The following SKA3 variants were observed in gnomAD, a reference collection of about 807,000 sequenced individuals.
SKA3 encodes the protein spindle and kinetochore associated complex subunit 3, also known as spindle and kinetochore-associated protein 3.
A neutral mutation model predicts 44.2 loss-of-function variants in SKA3; 39 were observed. The observed-to-expected ratio is 0.88, with a 90% CI of 0.68 to 1.15. SKA3 has a LOEUF of 1.15. Ranked by LOEUF, SKA3 falls within the 50% of genes most tolerant of loss-of-function variation. The pLI is 0.00. For missense variants in SKA3, 511 were observed against 485.8 expected (o/e 1.05, Z -0.49); for synonymous variants, 192 against 172.0 (o/e 1.12, Z -0.91).
intron 4 of SKA3, among the ~76,000 whole-genome samples, chr13:21,165,836 G>A (rs1020803305): frequency 1.3e-5 from 2 of 152,080 alleles, no homozygotes; most frequent in African/African-American, 4.8e-5. Flanking sequence ...TCAGGTGGCT[G>A]AGGCTCGAGA....
rs781043546 is a variant in SKA3, at chr13:21,155,712, C to T, written c.1219G>A (p.Val407Ile). ...FLKHGQNIRD[V>I]SNKEN ...ACTCACCAGTTTTCTTTGTTGCTGACATCTCGGATGTTCTGTCCATGTTTA... is the reference window on the plus strand; with the variant it reads ...ACTCACCAGTTTTCTTTGTTGCTGATATCTCGGATGTTCTGTCCATGTTTA... The change falls in exon 8 of 9, where the codon GTC becomes ATC. Residue 407 changes from valine to isoleucine, a missense_variant. Physicochemically the swap from Val to Ile is conservative, Grantham distance 29. Coordinates refer to ENST00000314759, the MANE Select transcript of SKA3 (RefSeq NM_145061.6). 2.5e-6 allele frequency: 4 copies of T among 1,602,360 alleles called. No homozygotes were observed. In the South Asian group the frequency reaches 4.4e-5, roughly 18 times the overall value.
chr13:21,161,447 G>A (rs535946676), intron 5 of SKA3, among the ~76,000 whole-genome samples: 12 of 152,202 alleles, frequency 7.9e-5, no homozygotes, highest in African/African-American at 2.6e-4. Context: ...GATGTATTCC[G>A]TGCGTGGTTT....
intron 5 of SKA3, among the ~76,000 whole-genome samples, chr13:21,161,450 C>T (rs751754138): frequency 4.0e-5 from 6 of 151,858 alleles, no homozygotes; most frequent in Admixed American, 6.6e-5. Context: ...GTATTCCGTG[C>T]GTGGTTTATA....
At chr13:21,169,605 A>G (rs897889549) in intron 3 of SKA3, among the ~76,000 whole-genome samples, 3 of 152,146 alleles carry the variant, frequency 2.0e-5, no homozygotes, top group African/African-American at 4.8e-5. Flanking sequence ...TGTACTGCCC[A>G]TTGCAACCTT....
intron 4 of SKA3, among the ~76,000 whole-genome samples, chr13:21,163,668 T>G (rs1016582621): frequency 5.3e-5 from 8 of 152,182 alleles, no homozygotes; most frequent in African/African-American, 9.7e-5. Context: ...TGCATCTGGA[T>G]AGTTGAAAAA....
intron 4 of SKA3, 70 bp downstream of exon 4, chr13:21,167,918 G>GA (rs1018664073): frequency 4.7e-5 from 52 of 1,112,974 alleles, no homozygotes; most frequent in Admixed American, 1.7e-4. Context: ...ATTTCTTCTG[G>GA]AAAAAAAATC....
At chr13:21,167,778 A>AG (rs1565994884) in intron 4 of SKA3, among the ~76,000 whole-genome samples, 1 of 151,260 alleles carries the variant, frequency 6.6e-6, no homozygotes, top group African/African-American at 2.4e-5. Flanking sequence ...AAAAAAAAAA[A>AG]CAAAAAAAAA....
chr13:21,158,080 C>A lies in SKA3; in HGVS notation c.961G>T (p.Asp321Tyr). The A allele has an allele frequency of 6.2e-7, 1 of 1,612,622 alleles. No individual in the cohort carries two copies. The highest frequency in any genetic ancestry group is 8.5e-7 in the Non-Finnish European group (1 of 1,178,784). The change falls in exon 7 of 9, where the codon GAT becomes TAT. Residue 321 changes from aspartate (D) to tyrosine (Y), a missense_variant. By Grantham distance (160) the Asp-to-Tyr change is radical. Coordinates refer to ENST00000314759, the MANE Select transcript of SKA3 (RefSeq NM_145061.6). ...PLSKTNSSSN[D>Y]LEVEDRTSLV... is the part of the protein sequence containing the mutation. ...GAAGTACGATCTTCAACTTCCAAAT[C>A]ATTTGATGAACTATTTGTTTTTGAT...
intron 4 of SKA3, among the ~76,000 whole-genome samples, chr13:21,167,028 C>T (rs1034388012): frequency 1.3e-5 from 2 of 152,066 alleles, no homozygotes; most frequent in Admixed American, 6.6e-5. Flanking sequence ...GTAACTCTTA[C>T]GGTTTTAATC....
intron 3 of SKA3, among the ~76,000 whole-genome samples, chr13:21,169,190 G>A (rs977399141): frequency 6.7e-6 from 1 of 150,120 alleles, no homozygotes; most frequent in Admixed American, 6.7e-5. Flanking sequence ...TCTGAGAAAA[G>A]GCTAATCACA....
At chr13:21,155,200 T>G in intron 8 of SKA3, 50 bp from the exon 9 acceptor site, 2 of 1,345,100 alleles carry the variant, frequency 1.5e-6, no homozygotes, top group Non-Finnish European at 2.0e-6. Flanking sequence ...TTAAAAGCCA[T>G]TAAGACAAAT....
chr13:21,168,786 C>A (rs1016632903), intron 3 of SKA3, among the ~76,000 whole-genome samples: 1 of 152,000 alleles, frequency 6.6e-6, no homozygotes, highest in Non-Finnish European at 1.5e-5. Flanking sequence ...CCTTGGCCCC[C>A]CAAAGTGATG....
At position 21,158,852 on chromosome 13, in the gene SKA3, G is replaced by T. The variant is rs11616474; in HGVS notation, c.916-727C>A. Among the ~76,000 whole-genome samples, 637 of 152,304 alleles carry T rather than the reference G, an allele frequency of 4.2e-3. 3 individuals are homozygous for T. The highest frequency in any genetic ancestry group is 7.5e-3 in the Non-Finnish European group (511 of 68,024). On this transcript the variant is annotated intron_variant, in intron 6 of 8. Transcript: ENST00000314759. ...CATGCTAAATCAGCCAATTGGGTAA[G>T]TCGCTTCATCTCTCTCAGGTCAGAG...
Position 21,172,888 on chromosome 13 carries a change from C to T in SKA3, c.104-207G>A, listed in dbSNP as rs1180079277. On this transcript the variant is annotated intron_variant, in intron 1 of 8. Coordinates refer to ENST00000314759, the MANE Select transcript of SKA3 (RefSeq NM_145061.6). ...AATACTTACCATAATGTTACAGTTG[C>T]TTACAGTATTCAATGCAGTCGCATG... is the stretch of plus-strand genomic sequence containing the variant. Among the ~76,000 whole-genome samples the T allele has an allele frequency of 3.3e-5, 5 of 152,128 alleles. No individual in the cohort carries two copies. In the South Asian group the frequency reaches 6.2e-4, roughly 19 times the overall value.
chr13:21,161,250 A>G (rs1870422064), intron 5 of SKA3, among the ~76,000 whole-genome samples: 1 of 152,230 alleles, frequency 6.6e-6, no homozygotes, highest in East Asian at 1.9e-4. Context: ...AGTCTGGGCA[A>G]CAGAGTGAGA....
At chr13:21,166,809 G>T (rs936439371) in intron 4 of SKA3, among the ~76,000 whole-genome samples, 2 of 152,120 alleles carry the variant, frequency 1.3e-5, no homozygotes, top group African/African-American at 4.8e-5. Flanking sequence ...TTTATGTTTA[G>T]ATAAGGACCA....
chr13:21,169,828 G>A (rs558003037), intron 3 of SKA3, among the ~76,000 whole-genome samples: 1 of 152,208 alleles, frequency 6.6e-6, no homozygotes, highest in East Asian at 1.9e-4. Context: ...TGTAGAGATA[G>A]GGTTTCGCCA....
intron 1 of SKA3, among the ~76,000 whole-genome samples, chr13:21,175,100 C>T (rs1871383837): frequency 6.6e-6 from 1 of 151,848 alleles, no homozygotes; most frequent in Non-Finnish European, 1.5e-5. Context: ...CCTCAGCCTC[C>T]GAGTAGCTGG....
chr13:21,161,199 A>G (rs983787380), intron 5 of SKA3, among the ~76,000 whole-genome samples: 8 of 152,084 alleles, frequency 5.3e-5, no homozygotes, highest in Non-Finnish European at 1.2e-4. Context: ...GAGCCTGGGA[A>G]GTTGAGGCTG....
Sources: allele counts gnomAD v4.1 joint callset (sites outside exome capture counted in the v4.1 genomes callset), GRCh38; gene constraint gnomAD v4.1.1; transcripts MANE v1.5; gene names NCBI Gene and HGNC (gene_info 2026-07-23, HGNC 2026-07-21).